The following UHRF2 variants were observed in gnomAD, a reference collection of about 807,000 sequenced individuals.
The protein encoded by UHRF2 is ubiquitin like with PHD and ring finger domains 2, also known as E3 ubiquitin-protein ligase UHRF2.
UHRF2 carries 23 observed loss-of-function variants against 96.8 expected under a neutral mutation model. The ratio of observed to expected loss-of-function variants is 0.24; its 90% confidence interval spans 0.17 to 0.34. UHRF2 has a LOEUF of 0.34. Ranked by LOEUF, UHRF2 falls within the 10% of genes least tolerant of loss-of-function variation. The pLI is 1.00. For synonymous variants in UHRF2, 385 were observed against 332.6 expected (o/e 1.16, Z -1.72); for missense variants, 685 against 981.5 (o/e 0.70, Z 4.04).
chr9:6,420,349 C>A (rs1819857703), intron 1 of UHRF2, among the ~76,000 whole-genome samples: 2 of 151,636 alleles, frequency 1.3e-5, no homozygotes, highest in Admixed American at 1.3e-4. Flanking sequence ...GCCACCGCGC[C>A]CGGCCCATTT....
chr9:6,460,872 T>C (rs1822497254), intron 4 of UHRF2, 81 bp downstream of exon 4: 1 of 1,136,832 alleles, frequency 8.8e-7, no homozygotes, highest in Non-Finnish European at 1.2e-6. Flanking sequence ...ACGTGTACCT[T>C]AGTAAAAAAA....
rs191184358 is a variant in UHRF2, at chr9:6,425,315, A to T, written c.384+4173A>T. Among the ~76,000 whole-genome samples the T allele has an allele frequency of 9.0e-4, 137 of 152,280 alleles. 2 individuals carry two copies. Among genetic ancestry groups the T allele is most frequent in the Admixed American group, 7.4e-3 (113 of 15,288 alleles). ...TATTTGATGGCTATGTCCCTTTGAC[A>T]TACCCCCATTATTGTGGGTGTTTTG... On this transcript the variant is annotated intron_variant, in intron 2 of 15. Coordinates refer to ENST00000276893, the MANE Select transcript of UHRF2 (RefSeq NM_152896.3).
chr9:6,502,279 T>A (rs10975611), intron 14 of UHRF2, among the ~76,000 whole-genome samples: 34,756 of 152,050 alleles, frequency 0.23, 4,452 homozygotes, highest in Middle Eastern at 0.29. Flanking sequence ...GGTCACTGTT[T>A]TATTTAAACA....
At chr9:6,438,885 C>T (rs1821000756) in intron 3 of UHRF2, among the ~76,000 whole-genome samples, 2 of 152,138 alleles carry the variant, frequency 1.3e-5, no homozygotes, top group South Asian at 4.1e-4. Flanking sequence ...TAAAAACAAT[C>T]TTTAGTCTAT....
intron 3 of UHRF2, among the ~76,000 whole-genome samples, chr9:6,457,321 T>A (rs916730778): frequency 6.6e-6 from 1 of 152,208 alleles, no homozygotes; most frequent in Non-Finnish European, 1.5e-5. Flanking sequence ...CTGTTATTGG[T>A]GTATAAGAAT....
intron 4 of UHRF2, among the ~76,000 whole-genome samples, chr9:6,474,562 C>G (rs565862224): frequency 6.6e-6 from 1 of 152,032 alleles, no homozygotes; most frequent in Non-Finnish European, 1.5e-5. Flanking sequence ...AAAAATTAGC[C>G]GGGTATGGTG....
rs953550687 is a variant in UHRF2 at position 6,413,387 on chromosome 9, C to A, written c.-104C>A. The stretch of plus-strand genomic sequence containing the variant: ...CCGGTGGGCGCGCTCGCCCGCCTGC[C>A]GCTGAGGGCCCGAGCCGCAGGGAAA... On this transcript the variant is annotated 5_prime_UTR_variant, in exon 1 of 16. Transcript: ENST00000276893. 3.4e-6 allele frequency: 4 copies of A among 1,164,926 alleles called. No homozygotes were observed. Among genetic ancestry groups the A allele is most frequent in the South Asian group, 4.1e-5 (1 of 24,454 alleles). 72.2% of individuals were successfully genotyped at this position (1,164,926 alleles called of 1,614,324 possible).
chr9:6,447,699 C>A (rs1821601608), intron 3 of UHRF2, among the ~76,000 whole-genome samples: 1 of 152,142 alleles, frequency 6.6e-6, no homozygotes, highest in African/African-American at 2.4e-5. Flanking sequence ...AATCCATAAA[C>A]CCCCGAGGAC....
intron 9 of UHRF2, chr9:6,492,954 G>T (rs1218370008): frequency 1.3e-5 from 2 of 151,230 alleles, no homozygotes; most frequent in African/African-American, 4.9e-5. Flanking sequence ...TGTGATATGG[G>T]TGAACCCACA....
chr9:6,463,001 G>T (rs1207760255), intron 4 of UHRF2, among the ~76,000 whole-genome samples: 2 of 152,078 alleles, frequency 1.3e-5, no homozygotes, highest in African/African-American at 4.8e-5. Context: ...GACTGAGTGG[G>T]CCAGGTGCCG....
At chr9:6,436,476 T>A (rs896016416) in intron 3 of UHRF2, among the ~76,000 whole-genome samples, 27 of 152,356 alleles carry the variant, frequency 1.8e-4, no homozygotes, top group African/African-American at 6.3e-4. Flanking sequence ...GTAGAATGTT[T>A]TAAGTTCTTG....
chr9:6,418,092 G>T (rs963842955), intron 1 of UHRF2, among the ~76,000 whole-genome samples: 3 of 151,984 alleles, frequency 2.0e-5, no homozygotes, highest in African/African-American at 4.8e-5. Context: ...TTTGTCAGTT[G>T]TATGTTACGC....
At chr9:6,463,720 C>T (rs555559021) in intron 4 of UHRF2, among the ~76,000 whole-genome samples, 1 of 152,074 alleles carries the variant, frequency 6.6e-6, no homozygotes, top group Non-Finnish European at 1.5e-5. Context: ...ATCTGCCTGC[C>T]TCAGTCTCCC....
chr9:6,470,643 A>C (rs1046525284), intron 4 of UHRF2, among the ~76,000 whole-genome samples: 1 of 152,156 alleles, frequency 6.6e-6, no homozygotes, highest in Non-Finnish European at 1.5e-5. Flanking sequence ...ACATAGAAAA[A>C]AAATGCGTGA....
chr9:6,425,153 C>T (rs998676300), intron 2 of UHRF2, among the ~76,000 whole-genome samples: 12 of 152,176 alleles, frequency 7.9e-5, no homozygotes, highest in African/African-American at 2.9e-4. Flanking sequence ...AGTTAATGTA[C>T]TTCACTGCCT....
rs1822499430 is a variant in UHRF2 at position 6,460,912 on chromosome 9, A to G, written c.863+121A>G. On this transcript the variant is annotated intron_variant, in intron 4 of 15. Transcript: ENST00000276893. ...GAGTCTATAAAAGATGGAAATTTCCATACTGAAGGAGAATATTTTTATAAA... is the reference window on the plus strand; with the variant it reads ...GAGTCTATAAAAGATGGAAATTTCCGTACTGAAGGAGAATATTTTTATAAA... 1.0e-5 allele frequency: 7 copies of G among 699,500 alleles called. No individual in the cohort carries two copies. In the South Asian group the frequency reaches 1.9e-4, roughly 19 times the overall value. 43.3% of individuals were successfully genotyped at this position (699,500 alleles called of 1,614,324 possible).
At chr9:6,417,899 A>G (rs1011990418) in intron 1 of UHRF2, among the ~76,000 whole-genome samples, 1 of 152,124 alleles carries the variant, frequency 6.6e-6, no homozygotes, top group Non-Finnish European at 1.5e-5. Flanking sequence ...AATACCCTCA[A>G]CGTCACTCTG....
Position 6,501,207 on chromosome 9 carries a change from CAGTT to C in UHRF2, c.2163+500_2163+503del, listed in dbSNP as rs1487875313. ...ATAATTTTAAAGTAAAAAGGAATCA[CAGTT>C]AATTAATGTGTGGGCTTTGTGTTAA... On this transcript the variant is annotated intron_variant, in intron 14 of 15. Transcript: ENST00000276893. 9.3e-4 allele frequency among the ~76,000 whole-genome samples: 142 copies of C among 152,106 alleles called. 13 individuals carry two copies. The highest frequency in any genetic ancestry group is 2.4e-5 in the African/African-American group (1 of 41,412).
intron 11 of UHRF2, 91 bp from the exon 12 acceptor site, chr9:6,497,927 T>C (rs1825067172): frequency 6.7e-7 from 1 of 1,488,358 alleles, no homozygotes; most frequent in Admixed American, 2.0e-5. Context: ...AAGTTGCATT[T>C]AGTTCTGGCA....
Sources: gnomAD v4.1 joint callset for allele counts (sites outside exome capture counted in the v4.1 genomes callset) on GRCh38, gnomAD v4.1.1 for gene constraint, MANE v1.5 for transcripts, NCBI Gene and HGNC (gene_info 2026-07-23, HGNC 2026-07-21) for gene names.